AADAT: variants seen among roughly 807,000 people sequenced by gnomAD.
AADAT encodes the protein aminoadipate aminotransferase.
AADAT carries 25 observed loss-of-function variants against 56.2 expected under a neutral mutation model. The ratio of observed to expected loss-of-function variants is 0.44; its 90% CI spans 0.32 to 0.62. AADAT has a LOEUF of 0.62. Among genes scored for constraint, AADAT ranks in the 20% least tolerant of loss-of-function variants. The pLI is 0.04. For missense variants in AADAT, 387 were observed against 510.5 expected, an observed-to-expected ratio of 0.76 and a Z score of 2.33; for synonymous variants, 173 against 164.7, an observed-to-expected ratio of 1.05 and a Z score of -0.39.
At chr4:170,069,877 T>C (rs931806686) in intron 6 of AADAT, among the ~76,000 whole-genome samples, 3 of 152,158 alleles carry the variant, frequency 2.0e-5, no homozygotes, top group African/African-American at 7.2e-5. Flanking sequence ...CAAGTATATG[T>C]TCTTTGCAGC....
At chr4:170,071,943 G>C (rs915649694) in intron 5 of AADAT, among the ~76,000 whole-genome samples, 1 of 152,150 alleles carries the variant, frequency 6.6e-6, no homozygotes, top group Non-Finnish European at 1.5e-5. Context: ...TAGATCAGAG[G>C]TTTGGGGTGG....
chr4:170,088,612 T>G, intron 1 of AADAT, 48 bp from the exon 2 acceptor site: 2 of 1,557,178 alleles, frequency 1.3e-6, no homozygotes, highest in Non-Finnish European at 1.8e-6. Context: ...AAGATTGTTA[T>G]AAGCGGATAG....
At chr4:170,092,191 C>T (rs141951596), upstream of AADAT, among the ~76,000 whole-genome samples, 67 of 152,338 alleles carry the variant, frequency 4.4e-4, 1 homozygote, top group East Asian at 7.9e-3. Flanking sequence ...ACTTTTGCAG[C>T]GTGTGGTGGT....
In AADAT at chr4:170,069,222, T is replaced by C. The variant is rs554798096; in HGVS notation, c.729A>G (p.Val243=). ...CAACATCCATGGAAAGAAATGTTGG[T>C]ACCCTGAACTTAAAATGAAAAATAA... ...YYFLQFNKFR[V]PTFLSMDVDG... The change falls in exon 7 of 13, where the codon GTA becomes GTG. Residue 243 remains valine, a synonymous_variant. Transcript: ENST00000337664. 1.9e-6 allele frequency: 3 copies of C among 1,613,540 alleles called. No individual in the cohort carries two copies. The South Asian group carries it at 3.3e-5, about 18-fold the overall frequency.
intron 3 of AADAT, among the ~76,000 whole-genome samples, chr4:170,083,908 A>G (rs1488616278): frequency 6.6e-6 from 1 of 152,154 alleles, no homozygotes; most frequent in East Asian, 1.9e-4. Flanking sequence ...CAAAAACATC[A>G]ATATATCAAA....
At chr4:170,085,647 A>G (rs1732524175) in intron 3 of AADAT, among the ~76,000 whole-genome samples, 1 of 152,212 alleles carries the variant, frequency 6.6e-6, no homozygotes, top group African/African-American at 2.4e-5. Context: ...TTTCTTGAGG[A>G]AAGAATTTAT....
chr4:170,086,992 G>A (rs1452219020), intron 3 of AADAT, 124 bp downstream of exon 3: 3 of 1,265,366 alleles, frequency 2.4e-6, no homozygotes, highest in South Asian at 1.3e-5. Flanking sequence ...TATAATTCTA[G>A]GTGAAGACAA....
chr4:170,081,833 C>G (rs143649109), intron 3 of AADAT, among the ~76,000 whole-genome samples: 97 of 152,274 alleles, frequency 6.4e-4, no homozygotes, highest in African/African-American at 2.1e-3. Context: ...AGCTACCATT[C>G]CCGGCCCATC....
intron 3 of AADAT, among the ~76,000 whole-genome samples, chr4:170,086,425 A>G (rs936130293): frequency 1.3e-5 from 2 of 152,042 alleles, no homozygotes; most frequent in African/African-American, 4.8e-5. Context: ...TCCATATAAG[A>G]AGTCAGAAAT....
chr4:170,068,548 A>T, intron 8 of AADAT, 43 bp downstream of exon 8: 1 of 1,410,528 alleles, frequency 7.1e-7, no homozygotes, highest in Admixed American at 2.3e-5. Flanking sequence ...TAAAATTCTA[A>T]TCTGATTACA....
intron 3 of AADAT, among the ~76,000 whole-genome samples, chr4:170,081,486 T>G (rs965198066): frequency 2.0e-5 from 3 of 151,914 alleles, no homozygotes; most frequent in African/African-American, 7.3e-5. Context: ...TCAATCCAAA[T>G]AAAACTACCT....
In AADAT at chr4:170,061,908, G is replaced by A; in HGVS notation, c.1220C>T (p.Pro407Leu). 1 of 1,612,580 alleles carries A rather than the reference G, an allele frequency of 6.2e-7. No individual in the cohort carries two copies. The highest frequency in any genetic ancestry group is 1.1e-5 in the South Asian group (1 of 91,008). Residue 407 changes from proline (P) to leucine (L), a missense_variant, in exon 12 of 13, where the codon CCA becomes CTA. Pro to Leu is a moderately conservative substitution (Grantham distance 98). Coordinates refer to ENST00000337664, the MANE Select transcript of AADAT (RefSeq NM_016228.4). ...TACACTCACCACATCCATCTGTTCT[G>A]GAGAAGCTGAAGAGAAGGATGCTCT... ...YLRASFSSAS[P>L]EQMDVAFQVL...
upstream of AADAT, among the ~76,000 whole-genome samples, chr4:170,092,388 C>G (rs997702169): frequency 6.6e-6 from 1 of 152,222 alleles, no homozygotes; most frequent in Non-Finnish European, 1.5e-5. Flanking sequence ...ACACTCACCG[C>G]CAAAGTCTGC....
chr4:170,089,731 T>C lies in AADAT; in HGVS notation c.-41A>G, dbSNP rs1266354960. 1.2e-6 allele frequency: 2 copies of C among 1,609,358 alleles called. No individual in the cohort carries two copies. The highest frequency in any genetic ancestry group is 1.7e-5 in the Admixed American group (1 of 59,860). On this transcript the variant is annotated 5_prime_UTR_variant, in exon 1 of 13. Coordinates refer to ENST00000337664, the MANE Select transcript of AADAT (RefSeq NM_016228.4). Reference sequence around the variant, plus strand: ...AGCATCAAGCTTCTTCTTCAGTGGTTGAGGACTAGAAAAACCAAAGAGCCT... The same window carrying C: ...AGCATCAAGCTTCTTCTTCAGTGGTCGAGGACTAGAAAAACCAAAGAGCCT...
chr4:170,066,522 T>A, intron 9 of AADAT, 44 bp from the exon 10 acceptor site: 1 of 1,443,984 alleles, frequency 6.9e-7, no homozygotes, highest in African/African-American at 1.4e-5. Context: ...AGTACATTGA[T>A]TGCAGAAGCA....
intron 6 of AADAT, chr4:170,070,379 G>A (rs1731699271): frequency 4.7e-6 from 2 of 427,570 alleles, no homozygotes; most frequent in South Asian, 6.5e-5. Flanking sequence ...TCTGGAAAGA[G>A]CAGTAATACC....
chr4:170,073,196 T>C lies in AADAT; in HGVS notation c.594A>G (p.Pro198=). Residue 198 remains proline, a synonymous_variant, in exon 5 of 13, where the codon CCA becomes CCG. Coordinates refer to ENST00000337664, the MANE Select transcript of AADAT (RefSeq NM_016228.4). ...AGTTTCCAGTAGGGTTGTTGCCATT[T>C]GGAACAGTATAAAGAAATTTGGGGG... is the stretch of plus-strand genomic sequence containing the variant. The part of the protein sequence containing the change: ...KNTPKFLYTV[P]NGNNPTGNSL... 1 of 1,614,160 alleles carries C rather than the reference T, an allele frequency of 6.2e-7. No individual in the cohort carries two copies. The highest frequency in any genetic ancestry group is 8.5e-7 in the Non-Finnish European group (1 of 1,180,014).
At chr4:170,092,152 C>T (rs1364073616), upstream of AADAT, among the ~76,000 whole-genome samples, 1 of 152,232 alleles carries the variant, frequency 6.6e-6, no homozygotes, top group South Asian at 2.1e-4. Flanking sequence ...AGCAGGCTGC[C>T]TCAGCCACCA....
chr4:170,082,511 A>G (rs534646864), intron 3 of AADAT, among the ~76,000 whole-genome samples: 2 of 152,358 alleles, frequency 1.3e-5, no homozygotes, highest in South Asian at 4.1e-4. Flanking sequence ...TAAGAAAGGA[A>G]GAAAAGAAGA....
Sources: allele counts gnomAD v4.1 joint callset (sites outside exome capture counted in the v4.1 genomes callset), GRCh38; gene constraint gnomAD v4.1.1; transcripts MANE v1.5; gene names NCBI Gene and HGNC (gene_info 2026-07-23, HGNC 2026-07-21).